The following CDH18 variants were observed in gnomAD, a reference collection of about 807,000 sequenced individuals.
CDH18 encodes the protein cadherin-18.
CDH18 carries 31 observed loss-of-function variants against 67.9 expected under a neutral mutation model. That is an observed-to-expected ratio of 0.46 (90% CI 0.34 to 0.62). The LOEUF is 0.62. Among genes scored for constraint, CDH18 ranks in the 20% least tolerant of loss-of-function variants. The pLI, the probability that CDH18 is intolerant of heterozygous loss-of-function variation, is 0.01. For synonymous variants in CDH18, 362 were observed against 347.2 expected (o/e 1.04, Z -0.48); for missense variants, 890 against 975.5 (o/e 0.91, Z 1.17).
rs150351000 is a variant in CDH18, at chr5:20,153,028, C to T, written c.-518+102416G>A. On this transcript the variant is annotated intron_variant, in intron 2 of 14. Transcript: ENST00000507958. ...TGAGATCTTGGCTCACTGCAACCTC[C>T]GCCTCCCAGGTTCAAGCAATTCTGC... is the stretch of plus-strand genomic sequence containing the variant. Among the ~76,000 whole-genome samples, 1,294 of 150,910 alleles carry T rather than the reference C, an allele frequency of 8.6e-3. 11 individuals carry two copies. Among genetic ancestry groups the T allele is most frequent in the Non-Finnish European group, 0.014 (947 of 67,796 alleles).
intron 2 of CDH18, among the ~76,000 whole-genome samples, chr5:20,060,241 G>C (rs975715340): frequency 6.6e-6 from 1 of 152,130 alleles, no homozygotes; most frequent in African/African-American, 2.4e-5. Context: ...GAGGTGGGCA[G>C]ATCACCTGAG....
intron 1 of CDH18, among the ~76,000 whole-genome samples, chr5:20,434,431 T>G (rs1229049184): frequency 6.6e-6 from 1 of 151,994 alleles, no homozygotes; most frequent in Non-Finnish European, 1.5e-5. Flanking sequence ...GAGACCTCAA[T>G]AAGTAAATGA....
intron 1 of CDH18, among the ~76,000 whole-genome samples, chr5:19,983,277 A>T (rs542801629): frequency 1.3e-5 from 2 of 152,254 alleles, no homozygotes; most frequent in Admixed American, 6.5e-5. Context: ...GTTACATATA[A>T]GTCATATGTA....
At chr5:19,754,121 A>T (rs1261469573) in intron 3 of CDH18, among the ~76,000 whole-genome samples, 1 of 152,134 alleles carries the variant, frequency 6.6e-6, no homozygotes, top group Non-Finnish European at 1.5e-5. Context: ...AAACCAAGAT[A>T]CACAGGCAAC....
At chr5:20,293,601 T>C (rs1747265943) in intron 1 of CDH18, among the ~76,000 whole-genome samples, 1 of 152,198 alleles carries the variant, frequency 6.6e-6, no homozygotes, top group African/African-American at 2.4e-5. Flanking sequence ...TTGTATCTTA[T>C]TCAAGAACAA....
rs568645081 is a variant in CDH18 at position 20,305,563 on chromosome 5, G to T, written c.-579-50058C>A. ...GGCTGGTGGTCGCGGGGCTGAGGGC[G>T]CTCGGCCGCTTCCGGTCCTGCGCTG... On this transcript the variant is annotated intron_variant, in intron 1 of 14. Coordinates refer to the CDH18 transcript ENST00000507958. 1.1e-5 allele frequency: 7 copies of T among 655,932 alleles called. No homozygotes were observed. The East Asian group carries it at 1.7e-4, about 16-fold the overall frequency. 40.6% of individuals were successfully genotyped at this position (655,932 alleles called of 1,614,324 possible).
At chr5:20,124,081 G>A (rs1209924096) in intron 2 of CDH18, among the ~76,000 whole-genome samples, 1 of 152,092 alleles carries the variant, frequency 6.6e-6, no homozygotes, top group Non-Finnish European at 1.5e-5. Context: ...TCCCATGGGG[G>A]AAATCAAGTG....
chr5:19,842,742 A>C (rs1338996774), intron 2 of CDH18, among the ~76,000 whole-genome samples: 1 of 152,168 alleles, frequency 6.6e-6, no homozygotes, highest in Non-Finnish European at 1.5e-5. Context: ...AAATAGGAAG[A>C]TGTGGGAAAA....
At chr5:19,816,281 T>C (rs1392211027) in intron 3 of CDH18, among the ~76,000 whole-genome samples, 1 of 151,796 alleles carries the variant, frequency 6.6e-6, no homozygotes, top group African/African-American at 2.4e-5. Context: ...TTACAAATAC[T>C]TGGAGATAAA....
At chr5:19,881,382 C>G (rs1396141997) in intron 2 of CDH18, among the ~76,000 whole-genome samples, 5 of 151,912 alleles carry the variant, frequency 3.3e-5, no homozygotes, top group African/African-American at 1.2e-4. Flanking sequence ...CTAGTAGAAA[C>G]TATAACATCA....
At chr5:20,086,576 T>C (rs192531189) in intron 2 of CDH18, among the ~76,000 whole-genome samples, 1 of 152,306 alleles carries the variant, frequency 6.6e-6, no homozygotes, top group Non-Finnish European at 1.5e-5. Context: ...TAATACATCT[T>C]GTGACTTTAA....
At chr5:19,970,661 G>C (rs1055449600) in intron 2 of CDH18, among the ~76,000 whole-genome samples, 1 of 151,578 alleles carries the variant, frequency 6.6e-6, no homozygotes, top group African/African-American at 2.4e-5. Context: ...TAAATGCTAA[G>C]TTCACGAGAC....
chr5:20,048,665 T>C lies in CDH18; in HGVS notation c.-517-56651A>G, dbSNP rs554913239. The stretch of plus-strand genomic sequence containing the variant: ...CTTTCTACAGAATCCCCCCTGGATA[T>C]CTAAGTTGTAAGCTGATAATGGATA... On this transcript the variant is annotated intron_variant, in intron 2 of 14. Coordinates refer to the CDH18 transcript ENST00000507958. Among the ~76,000 whole-genome samples, 12 of 151,808 alleles carry C rather than the reference T, an allele frequency of 7.9e-5. 1 individual carries two copies. In the South Asian group the frequency reaches 1.9e-3, roughly 24 times the overall value.
At chr5:20,175,426 A>T (rs79368168) in intron 2 of CDH18, among the ~76,000 whole-genome samples, 5,236 of 152,226 alleles carry the variant, frequency 0.034, 308 homozygotes, top group African/African-American at 0.12. Flanking sequence ...CCTTCTATTT[A>T]AAATTTATGT....
At chr5:20,445,860 T>C (rs1039531593) in intron 1 of CDH18, among the ~76,000 whole-genome samples, 10 of 152,120 alleles carry the variant, frequency 6.6e-5, no homozygotes, top group Non-Finnish European at 1.3e-4. Context: ...GCAAAGTTTA[T>C]TGAAGCATAG....
chr5:20,501,458 CATATTATAT>C (rs1375799426), intron 1 of CDH18, among the ~76,000 whole-genome samples: 20 of 98,854 alleles, frequency 2.0e-4, no homozygotes, highest in African/African-American at 6.8e-4. Flanking sequence ...ATTTTATATA[CATATTATAT>C]ATATTATATA....
intron 1 of CDH18, among the ~76,000 whole-genome samples, chr5:20,256,404 A>G (rs573559396): frequency 1.2e-4 from 19 of 152,036 alleles, no homozygotes; most frequent in Non-Finnish European, 2.1e-4. Flanking sequence ...TATTTCCTAA[A>G]ACTGATAAAA....
chr5:19,529,091 G>C (rs776237358), intron 9 of CDH18, among the ~76,000 whole-genome samples: 15 of 151,890 alleles, frequency 9.9e-5, no homozygotes, highest in Non-Finnish European at 2.1e-4. Flanking sequence ...ATAATGCTAA[G>C]AATGCTCTCT....
rs577704373 is a variant in CDH18, at chr5:19,942,334, T to C, written c.-257+38726A>G. 2.0e-5 allele frequency among the ~76,000 whole-genome samples: 3 copies of C among 152,310 alleles called. No individual in the cohort carries two copies. The South Asian group carries it at 6.2e-4, about 32-fold the overall frequency. ...AAATTAGCATCAAAGTGCTTAAAGT[T>C]TGGCCCTTGCCAATAAGTACAATCT... On this transcript the variant is annotated intron_variant, in intron 2 of 12. Transcript: ENST00000382275.
Sources: allele counts gnomAD v4.1 joint callset (sites outside exome capture counted in the v4.1 genomes callset), GRCh38; gene constraint gnomAD v4.1.1; transcripts MANE v1.5; gene names NCBI Gene and HGNC (gene_info 2026-07-23, HGNC 2026-07-21).